Variants in GNPAT observed in about 807,000 individuals in gnomAD.
GNPAT encodes glyceronephosphate O-acyltransferase.
Under a neutral mutation model 78.4 loss-of-function variants are expected in GNPAT, and 30 were observed. The observed-to-expected ratio is 0.38, with a 90% CI of 0.29 to 0.52. The LOEUF (loss-of-function observed/expected upper bound fraction) is 0.52, where lower values mean the gene tolerates loss of function less well. GNPAT is among the 20% of genes least tolerant of loss of function. The probability of loss-of-function intolerance (pLI) is 0.84; values close to 1 mark genes in which losing one functional copy is unlikely to be tolerated. For missense variants in GNPAT, 714 were observed against 812.2 expected (o/e 0.88, Z 1.47); for synonymous variants, 271 against 281.1 (o/e 0.96, Z 0.36).
chr1:231,250,736 C>G (rs1684871318), intron 1 of GNPAT, among the ~76,000 whole-genome samples: 1 of 152,096 alleles, frequency 6.6e-6, no homozygotes, highest in African/African-American at 2.4e-5. Context: ...TGATAGCAAT[C>G]AGAAATATAA....
At chr1:231,241,499 A>G (rs1453744174) in intron 1 of GNPAT, 43 bp downstream of exon 1, 1 of 1,354,536 alleles carries the variant, frequency 7.4e-7, no homozygotes, top group South Asian at 1.2e-5. Flanking sequence ...AGCCGCGCGA[A>G]ATAGTACCCC....
rs1274249858 is a variant in GNPAT at position 231,262,737 on chromosome 1, C to T, written c.453C>T (p.Ile151=). 3.1e-6 allele frequency: 5 copies of T among 1,609,828 alleles called. No homozygotes were observed. In the Middle Eastern group the frequency reaches 6.6e-4, roughly 213 times the overall value. The part of the protein sequence containing the change: ...EEGIQKLQRA[I]QEHPVVLLPS... ...TTACTTTCAAGCTACAAAGAGCCAT[C>T]CAGGAGCATCCTGTTGTTCTGCTGC... Residue 151 remains isoleucine, a synonymous_variant, in exon 4 of 16, where the codon ATC becomes ATT. Transcript: ENST00000366647.
chr1:231,241,989 C>T (rs1414398123), intron 1 of GNPAT, among the ~76,000 whole-genome samples: 2 of 152,226 alleles, frequency 1.3e-5, no homozygotes, highest in Admixed American at 6.5e-5. Flanking sequence ...CTGTTCTTGT[C>T]TTCCAGTCAT....
chr1:231,250,562 G>T (rs1459469919), intron 1 of GNPAT, among the ~76,000 whole-genome samples: 1 of 152,050 alleles, frequency 6.6e-6, no homozygotes, highest in East Asian at 1.9e-4. Flanking sequence ...TATAATTTGG[G>T]TTTCAAATGT....
intron 2 of GNPAT, among the ~76,000 whole-genome samples, chr1:231,259,328 A>C (rs1685155616): frequency 6.6e-6 from 1 of 152,108 alleles, no homozygotes; most frequent in Admixed American, 6.5e-5. Context: ...TGAATGTACA[A>C]AATACCACTG....
chr1:231,273,763 G>A (rs1461854643), intron 11 of GNPAT, among the ~76,000 whole-genome samples, 159 bp from the exon 12 acceptor site: 2 of 152,164 alleles, frequency 1.3e-5, no homozygotes, highest in South Asian at 4.1e-4. Flanking sequence ...TGTTCTGGAG[G>A]TTGGGGAAAT....
chr1:231,261,312 T>C (rs980786581), intron 3 of GNPAT, among the ~76,000 whole-genome samples: 4 of 152,188 alleles, frequency 2.6e-5, no homozygotes, highest in Non-Finnish European at 5.9e-5. Flanking sequence ...CCTTAGTATC[T>C]GTATTTGTGT....
At chr1:231,241,725 C>A (rs1399310880) in intron 1 of GNPAT, among the ~76,000 whole-genome samples, 1 of 152,196 alleles carries the variant, frequency 6.6e-6, no homozygotes, top group South Asian at 2.1e-4. Context: ...GGCCCTGGGG[C>A]CTTCAGAAAG....
rs749833026 is a variant in GNPAT at position 231,277,522 on chromosome 1, C to T, written c.2023C>T (p.Pro675Ser). The T allele has an allele frequency of 6.3e-7, 1 of 1,591,824 alleles. No homozygotes were observed. The highest frequency in any genetic ancestry group is 8.6e-7 in the Non-Finnish European group (1 of 1,159,634). The change falls in exon 16 of 16, where the codon CCA becomes TCA. Residue 675 changes from proline to serine, a missense_variant. By Grantham distance (74) the Pro-to-Ser change is moderately conservative (BLOSUM62 -1). Coordinates refer to ENST00000366647, the MANE Select transcript of GNPAT (RefSeq NM_014236.4). ...MLGCKTPIGK[P>S]ATAKL ...AGGTTGTAAGACACCAATAGGAAAACCAGCCACTGCAAAACTTTAATAATC... is the reference window on the plus strand; with the variant it reads ...AGGTTGTAAGACACCAATAGGAAAATCAGCCACTGCAAAACTTTAATAATC...
Position 231,270,880 on chromosome 1 carries a change from C to G in GNPAT, c.1402C>G (p.Leu468Val), listed in dbSNP as rs976688260. 3 of 1,614,066 alleles carry G rather than the reference C, an allele frequency of 1.9e-6. No individual in the cohort carries two copies. The highest frequency in any genetic ancestry group is 2.7e-5 in the African/African-American group (2 of 74,922). The change falls in exon 10 of 16, where the codon CTT becomes GTT. Residue 468 changes from leucine to valine, a missense_variant. Leu to Val is a conservative substitution (Grantham distance 32). Transcript: ENST00000366647. ...DSGDSEVVDG[L>V]MLQHITLLMC... Reference sequence around the variant, plus strand: ...CGGAGACTCGGAAGTGGTCGATGGGCTTATGCTCCAGCACATCACTCTCCT... The same window carrying G: ...CGGAGACTCGGAAGTGGTCGATGGGGTTATGCTCCAGCACATCACTCTCCT...
At chr1:231,262,891 A>T (rs1209113622) in intron 4 of GNPAT, 39 bp downstream of exon 4, 12 of 1,553,658 alleles carry the variant, frequency 7.7e-6, no homozygotes, top group African/African-American at 2.7e-5. Context: ...TGTAAAAATT[A>T]AAAAGTTCAC....
chr1:231,247,365 C>G (rs1310813233), intron 1 of GNPAT, among the ~76,000 whole-genome samples: 1 of 152,072 alleles, frequency 6.6e-6, no homozygotes, highest in African/African-American at 2.4e-5. Flanking sequence ...CCTTATCTAC[C>G]AGATAAGAAG....
intron 9 of GNPAT, among the ~76,000 whole-genome samples, chr1:231,270,222 T>C (rs1685519440): frequency 6.6e-6 from 1 of 152,244 alleles, no homozygotes; most frequent in Non-Finnish European, 1.5e-5. Flanking sequence ...CCAACTGCCA[T>C]GGAGCTGCCC....
intron 11 of GNPAT, 130 bp downstream of exon 11, chr1:231,272,521 G>T: frequency 1.5e-6 from 1 of 675,772 alleles, no homozygotes; most frequent in Non-Finnish European, 2.8e-6. Context: ...CAGACTTCAA[G>T]AGAAACTGGG....
intron 3 of GNPAT, among the ~76,000 whole-genome samples, chr1:231,261,436 AGGAACACCCC>A (rs989321015): frequency 3.8e-4 from 57 of 151,628 alleles, no homozygotes; most frequent in Non-Finnish European, 7.1e-4. Context: ...TACCTTTGCT[AGGAACACCCC>A]GGAAGCGATG....
chr1:231,268,288 C>T (rs551718987), intron 9 of GNPAT, among the ~76,000 whole-genome samples: 3 of 151,946 alleles, frequency 2.0e-5, no homozygotes, highest in Non-Finnish European at 2.9e-5. Flanking sequence ...GGCAACAGAG[C>T]GAGACTCTGT....
chr1:231,265,929 A>G (rs1215780933), intron 6 of GNPAT, 85 bp from the exon 7 acceptor site: 2 of 1,158,800 alleles, frequency 1.7e-6, no homozygotes, highest in South Asian at 1.2e-5. Context: ...TGTATAATGT[A>G]TGCTTTTAGT....
chr1:231,276,093 C>G, intron 14 of GNPAT, 42 bp from the exon 15 acceptor site: 1 of 870,354 alleles, frequency 1.1e-6, no homozygotes. Flanking sequence ...TTGTCTTTTC[C>G]CCAGAGTTTA....
intron 14 of GNPAT, among the ~76,000 whole-genome samples, 170 bp from the exon 15 acceptor site, chr1:231,275,965 G>A (rs1251751005): frequency 3.3e-5 from 5 of 152,192 alleles, no homozygotes; most frequent in African/African-American, 4.8e-5. Flanking sequence ...GAAGAATGAA[G>A]CAAGAAGCCA....
Sources: allele counts gnomAD v4.1 joint callset (sites outside exome capture counted in the v4.1 genomes callset), GRCh38; gene constraint gnomAD v4.1.1; transcripts MANE v1.5; gene names NCBI Gene and HGNC (gene_info 2026-07-23, HGNC 2026-07-21).